MTAP: variants seen among roughly 807,000 people sequenced by gnomAD.
MTAP encodes the protein S-methyl-5'-thioadenosine phosphorylase.
In MTAP, 33 loss-of-function variants were observed where a neutral mutation model predicts 33.6. That is an observed-to-expected ratio of 0.98 (90% CI 0.74 to 1.31). The LOEUF (loss-of-function observed/expected upper bound fraction) is 1.31, where lower values mean the gene tolerates loss of function less well. MTAP is among the 40% of genes most tolerant of loss of function. MTAP has a pLI of 0.00. For synonymous variants in MTAP, 148 were observed against 125.7 expected (o/e 1.18, Z -1.19); for missense variants, 367 against 360.0 (o/e 1.02, Z -0.16).
At chr9:21,816,248 G>A (rs1376171544) in intron 2 of MTAP, among the ~76,000 whole-genome samples, 1 of 152,058 alleles carries the variant, frequency 6.6e-6, no homozygotes, top group Non-Finnish European at 1.5e-5. Flanking sequence ...CGGTTCTAAG[G>A]GTCTTTCCAG....
At chr9:21,915,026 T>TCCTC (rs1563869395) in intron 1 of MTAP, among the ~76,000 whole-genome samples, 2 of 101,780 alleles carry the variant, frequency 2.0e-5, no homozygotes, top group Non-Finnish European at 3.5e-5. Flanking sequence ...CTTCCTTCCT[T>TCCTC]CCTTCCTTCC....
intron 1 of MTAP, among the ~76,000 whole-genome samples, chr9:21,873,928 A>C (rs1157251426): frequency 6.6e-6 from 1 of 152,124 alleles, no homozygotes; most frequent in African/African-American, 2.4e-5. Flanking sequence ...GAATAAAAAA[A>C]ATTTGATTAT....
intron 4 of MTAP, among the ~76,000 whole-genome samples, chr9:21,818,591 C>A (rs1563832536): frequency 6.6e-6 from 1 of 152,124 alleles, no homozygotes; most frequent in Non-Finnish European, 1.5e-5. Flanking sequence ...GCGCAAAGTG[C>A]TGGGATTACA....
intron 1 of MTAP, among the ~76,000 whole-genome samples, chr9:21,884,169 C>T (rs754089097): frequency 2.4e-4 from 37 of 152,208 alleles, no homozygotes; most frequent in African/African-American, 8.2e-4. Flanking sequence ...CCATATATTG[C>T]AGGGTACATT....
intron 1 of MTAP, among the ~76,000 whole-genome samples, chr9:21,911,953 A>T (rs7859207): frequency 1.8e-4 from 28 of 152,154 alleles, no homozygotes; most frequent in African/African-American, 6.5e-4. Context: ...GGGAGTATCA[A>T]GACCGATCCC....
chr9:21,921,436 G>A (rs549370079), intron 1 of MTAP, among the ~76,000 whole-genome samples: 6 of 151,720 alleles, frequency 4.0e-5, no homozygotes, highest in African/African-American at 1.5e-4. Context: ...ACTAAATTTG[G>A]TTTTGTTTTG....
chr9:21,895,677 C>T (rs1818279866), intron 1 of MTAP, among the ~76,000 whole-genome samples: 5 of 152,220 alleles, frequency 3.3e-5, no homozygotes. Context: ...ATGCCTAGCT[C>T]AGAGGGTCCC....
chr9:21,938,712 C>A (rs757844418), downstream of MTAP, among the ~76,000 whole-genome samples: 24 of 152,050 alleles, frequency 1.6e-4, no homozygotes, highest in Non-Finnish European at 3.1e-4. Context: ...TTAACCATGG[C>A]CATTTTTAAG....
At chr9:21,885,815 TG>T (rs1301397022) in intron 1 of MTAP, among the ~76,000 whole-genome samples, 3 of 149,980 alleles carry the variant, frequency 2.0e-5, no homozygotes, top group African/African-American at 7.6e-5. Flanking sequence ...TGTGTGTGTG[TG>T]TGTGTATACA....
At chr9:21,877,674 A>G (rs932658324) in intron 1 of MTAP, among the ~76,000 whole-genome samples, 6 of 152,176 alleles carry the variant, frequency 3.9e-5, no homozygotes, top group African/African-American at 1.4e-4. Context: ...TGATTTACAT[A>G]TGTTGAACCA....
chr9:21,890,473 G>C lies in MTAP; in HGVS notation c.147+35603G>C, dbSNP rs572743736. ...TCACTTCTGGATTCTGCCCAGGAAAGTTCATGATTGGTCAAAATTATTACA... is the reference window on the plus strand; with the variant it reads ...TCACTTCTGGATTCTGCCCAGGAAACTTCATGATTGGTCAAAATTATTACA... On this transcript the variant is annotated intron_variant, in intron 1 of 1. Coordinates refer to the MTAP transcript ENST00000577563. Among the ~76,000 whole-genome samples, 4 of 152,210 alleles carry C rather than the reference G, an allele frequency of 2.6e-5. No homozygotes were observed. In the South Asian group the frequency reaches 6.2e-4, roughly 24 times the overall value.
rs201290915 is a variant in MTAP, at chr9:21,897,705, G to A, written c.148-33303G>A. ...TGAAGGACCTCTTCAAGAAGAACTA[G>A]AAACCACTGCTCAATGAAATAAAAG... is the stretch of plus-strand genomic sequence containing the variant. On this transcript the variant is annotated intron_variant, in intron 1 of 1. Coordinates refer to the MTAP transcript ENST00000577563. 1.3e-5 allele frequency among the ~76,000 whole-genome samples: 2 copies of A among 152,126 alleles called. 1 individual carries two copies. Among genetic ancestry groups the A allele is most frequent in the East Asian group, 3.9e-4 (2 of 5,192 alleles).
chr9:21,940,744 C>G (rs112447490), downstream of MTAP, among the ~76,000 whole-genome samples: 1 of 152,270 alleles, frequency 6.6e-6, no homozygotes, highest in East Asian at 1.9e-4. Flanking sequence ...TTCTTCCATG[C>G]CTTCTCCAGG....
intron 5 of MTAP, among the ~76,000 whole-genome samples, chr9:21,853,723 T>C (rs1825569659): frequency 6.6e-6 from 1 of 152,218 alleles, no homozygotes; most frequent in Non-Finnish European, 1.5e-5. Context: ...GGCATGCTTC[T>C]ATGCTTGTAT....
intron 1 of MTAP, among the ~76,000 whole-genome samples, chr9:21,913,274 A>T (rs1375902763): frequency 6.6e-6 from 1 of 152,204 alleles, no homozygotes; most frequent in Non-Finnish European, 1.5e-5. Flanking sequence ...AATTGGAAAA[A>T]TTACTTTAAA....
chr9:21,875,093 G>A (rs1825986617), intron 1 of MTAP, among the ~76,000 whole-genome samples: 1 of 152,102 alleles, frequency 6.6e-6, no homozygotes, highest in Admixed American at 6.5e-5. Flanking sequence ...GGGCATTTGG[G>A]CTGGTTCCAA....
At position 21,833,096 on chromosome 9, in the gene MTAP, C is replaced by T. The variant is rs148745437; in HGVS notation, c.348-4812C>T. Among the ~76,000 whole-genome samples, 1,131 of 152,196 alleles carry T rather than the reference C, an allele frequency of 7.4e-3. 15 individuals are homozygous for T. Among genetic ancestry groups the T allele is most frequent in the Non-Finnish European group, 8.1e-3 (554 of 68,014 alleles). On this transcript the variant is annotated intron_variant, in intron 4 of 7. Transcript: ENST00000644715. ...GGGATATAAACATCCATTGGTTTTC[C>T]TCCTTTTTCATGCCACCACAAGCAC... is the stretch of plus-strand genomic sequence containing the variant.
intron 1 of MTAP, among the ~76,000 whole-genome samples, chr9:21,926,458 A>AC (rs1818870833): frequency 6.6e-6 from 1 of 152,114 alleles, no homozygotes; most frequent in Non-Finnish European, 1.5e-5. Context: ...TAGGAGAAGT[A>AC]CCCCCAGATG....
intron 2 of MTAP, 156 bp downstream of exon 2, chr9:21,815,675 G>A (rs1449709475): frequency 3.1e-6 from 2 of 641,734 alleles, no homozygotes; most frequent in African/African-American, 1.9e-5. Context: ...CTGCTGTTGG[G>A]TTCCATCAGC....
Sources: gnomAD v4.1 joint callset for allele counts (sites outside exome capture counted in the v4.1 genomes callset) on GRCh38, gnomAD v4.1.1 for gene constraint, MANE v1.5 for transcripts, NCBI Gene and HGNC (gene_info 2026-07-23, HGNC 2026-07-21) for gene names.